The following PLEC variants were observed in gnomAD, a reference collection of about 807,000 sequenced individuals.
The protein encoded by PLEC is hemidesmosomal protein 1.
In PLEC, 216 loss-of-function variants were observed where a neutral mutation model predicts 392.8. The ratio of observed to expected loss-of-function variants is 0.55; its 90% CI spans 0.49 to 0.62. The LOEUF (loss-of-function observed/expected upper bound fraction) is 0.62. Among genes scored for constraint, PLEC ranks in the 20% least tolerant of loss-of-function variants. The pLI, the probability that PLEC is intolerant of heterozygous loss-of-function variation, is 0.00. For synonymous variants in PLEC, 3,621 were observed against 2,980.6 expected (o/e 1.21, Z -7.00); for missense variants, 6,863 against 6,563.4 (o/e 1.05, Z -1.58).
upstream of PLEC, among the ~76,000 whole-genome samples, chr8:143,974,462 T>G (rs1409198911): frequency 2.6e-5 from 4 of 152,212 alleles, no homozygotes; most frequent in African/African-American, 9.7e-5. This position sits in a 1 kb window ranked among gnomAD's most constrained non-coding sequence, Gnocchi z 5.9. Flanking sequence ...TGGAGCTGGG[T>G]GCACAGCAGT....
At position 143,918,747 on chromosome 8, in the gene PLEC, C is replaced by A. The variant is rs201892506; in HGVS notation, c.11074G>T (p.Val3692Leu). ...GAACCGGGCAGGTAGACACCAGCCA[C>A]GGAGCCCGTGCCATAGAGGTAGCAC... ...AWCYLYGTGSVAGVYLPGSRQ... is the reference protein window; with the variant it reads ...AWCYLYGTGSLAGVYLPGSRQ... The change falls in exon 32 of 32, where the codon GTG (valine) becomes TTG (leucine). Residue 3692 changes from valine to leucine, a missense_variant. By Grantham distance (32) the Val-to-Leu change is conservative. Transcript: ENST00000345136. 1.9e-6 allele frequency: 3 copies of A among 1,612,932 alleles called. No homozygotes were observed. Among genetic ancestry groups the A allele is most frequent in the Non-Finnish European group, 2.5e-6 (3 of 1,180,010 alleles).
chr8:143,976,335 A>G (rs782645095), upstream of PLEC, among the ~76,000 whole-genome samples: 3 of 151,902 alleles, frequency 2.0e-5, no homozygotes, highest in Admixed American at 6.5e-5. Context: ...CGGGGGCACA[A>G]TGTGGGCTCT....
In PLEC at chr8:143,935,014, G is replaced by A; in HGVS notation, c.822C>T (p.Ala274=). 6.2e-7 allele frequency: 1 copy of A among 1,612,460 alleles called. No homozygotes were observed. Among genetic ancestry groups the A allele is most frequent in the Non-Finnish European group, 8.5e-7 (1 of 1,179,764 alleles). ...RVPDVQDGVR[A]NELQLRWQEY... is the part of the protein sequence containing the mutation. ...GCCCTCCGGGCCCCCCACTCACGTT[G>A]GCCCTCACCCCATCCTGCACGTCCG... Residue 274 remains alanine (A), a synonymous_variant, in exon 8 of 32, where the codon GCC becomes GCT. Transcript: ENST00000345136.
intron 1 of PLEC, among the ~76,000 whole-genome samples, chr8:143,968,308 G>T (rs982902884): frequency 2.0e-5 from 3 of 151,582 alleles, no homozygotes; most frequent in Admixed American, 1.3e-4. Context: ...GGACACCACC[G>T]GCCAGGTGAG....
chr8:143,933,943 G>A (rs552575404), intron 12 of PLEC, 55 bp downstream of exon 12: 68 of 1,482,518 alleles, frequency 4.6e-5, no homozygotes, highest in Admixed American at 3.1e-4. Context: ...GCTGCAGGGC[G>A]GGGCAGGCTC....
At chr8:143,953,973 T>G, upstream of PLEC, 1 of 1,267,926 alleles carries the variant, frequency 7.9e-7, no homozygotes, top group Non-Finnish European at 1.0e-6. Flanking sequence ...CGCGCACCCC[T>G]CCCCCCCAGC....
At chr8:143,976,232 T>C (rs782369419), upstream of PLEC, among the ~76,000 whole-genome samples, 26 of 152,072 alleles carry the variant, frequency 1.7e-4, no homozygotes, top group Non-Finnish European at 4.4e-5. Context: ...GACGCACGCA[T>C]ACCCACGCGC....
exon 1 of PLEC, chr8:143,950,273 AGCTCCTTCCGACGGTAGACCCGCT>A: frequency 1.3e-6 from 2 of 1,571,014 alleles, no homozygotes; most frequent in Non-Finnish European, 1.7e-6. Context: ...CACCTCCTCA[AGCTCCTTCCGACGGTAGACCCGCT>A]GCTCCTCCGT....
Position 143,929,066 on chromosome 8 carries a change from C to T in PLEC, c.3260+37G>A, listed in dbSNP as rs1488370298. The T allele has an allele frequency of 7.1e-6, 11 of 1,542,382 alleles. No homozygotes were observed. In the African/African-American group the frequency reaches 8.2e-5, roughly 12 times the overall value. On this transcript the variant is annotated intron_variant, in intron 25 of 31. Transcript: ENST00000345136. The stretch of plus-strand genomic sequence containing the variant: ...AGCCCTCACCCCAGCACCCCCCAGC[C>T]GACCCCAGCCCCTCGCCTGTGGCCA...
Position 143,932,873 on chromosome 8 carries a change from C to T in PLEC, c.1657G>A (p.Ala553Thr). 1.2e-6 allele frequency: 2 copies of T among 1,611,506 alleles called. No homozygotes were observed. Among genetic ancestry groups the T allele is most frequent in the East Asian group, 4.5e-5 (2 of 44,784 alleles). ...AGGCCTCGGTGGCTGCCCAGCTGCGCCTCCACGCTGGGCAGGTCCACACCC... is the reference window on the plus strand; with the variant it reads ...AGGCCTCGGTGGCTGCCCAGCTGCGTCTCCACGCTGGGCAGGTCCACACCC... ...EWGVDLPSVEAQLGSHRGLHQ... is the reference protein window; with the variant it reads ...EWGVDLPSVETQLGSHRGLHQ... The change falls in exon 14 of 32, where the codon GCG (alanine) becomes ACG (threonine). Residue 553 changes from alanine (A) to threonine (T), a missense_variant. Ala to Thr is a moderately conservative substitution (Grantham distance 58). Coordinates refer to ENST00000345136, the MANE Select transcript of PLEC (RefSeq NM_201384.3).
chr8:143,942,290 C>A, upstream of PLEC: 4 of 1,431,052 alleles, frequency 2.8e-6, no homozygotes, highest in Non-Finnish European at 2.9e-6. Flanking sequence ...AAGGCGCCAC[C>A]CCCATCCCAG....
At position 143,917,281 on chromosome 8, in the gene PLEC, C is replaced by G. The variant is rs782634047; in HGVS notation, c.12540G>C (p.Glu4180Asp). 1 of 1,609,606 alleles carries G rather than the reference C, an allele frequency of 6.2e-7. No individual in the cohort carries two copies. Among genetic ancestry groups the G allele is most frequent in the African/African-American group, 1.3e-5 (1 of 75,000 alleles). The change falls in exon 32 of 32, where the codon GAG becomes GAC. Residue 4180 changes from glutamate (E) to aspartate (D), a missense_variant. Coordinates refer to ENST00000345136, the MANE Select transcript of PLEC (RefSeq NM_201384.3). ...CGCCGTCCGAGGAGGAGATGGTGAT[C>G]TCCTCCCACTCGCACTCCTGCTCGG... The part of the protein sequence containing the change: ...ELSEQECEWE[E>D]ITISSSDGVV...
Position 143,930,124 on chromosome 8 carries a change from G to A in PLEC, c.2612+20C>T. 2.5e-6 allele frequency: 4 copies of A among 1,591,184 alleles called. No homozygotes were observed. Among genetic ancestry groups the A allele is most frequent in the Non-Finnish European group, 3.4e-6 (4 of 1,174,322 alleles). ...CCCACCCGCCTTCCAGCCCCCACCT[G>A]CTGAGCCCCCGCCACCCACCTGGTG... On this transcript the variant is annotated intron_variant, in intron 21 of 31. Coordinates refer to ENST00000345136, the MANE Select transcript of PLEC (RefSeq NM_201384.3).
chr8:143,961,349 C>T (rs536945579), intron 1 of PLEC, among the ~76,000 whole-genome samples: 1 of 152,184 alleles, frequency 6.6e-6, no homozygotes, highest in Admixed American at 6.5e-5. Flanking sequence ...CCTCAGCCTC[C>T]TGCGTAGCGG....
intron 3 of PLEC, 151 bp downstream of exon 3, chr8:143,938,000 G>T: frequency 1.5e-6 from 1 of 657,056 alleles, no homozygotes; most frequent in Non-Finnish European, 2.7e-6. Flanking sequence ...TGCTGCCAGG[G>T]ACGAGGCCAG....
At chr8:143,951,566 A>C (rs1362569784), upstream of PLEC, among the ~76,000 whole-genome samples, 1 of 152,112 alleles carries the variant, frequency 6.6e-6, no homozygotes, top group African/African-American at 2.4e-5. Context: ...GGCCTCTCCA[A>C]GCCCACAGCC....
At chr8:143,942,420 GC>G, upstream of PLEC, 1 of 1,605,762 alleles carries the variant, frequency 6.2e-7, no homozygotes. Flanking sequence ...GGTAGAGGTA[GC>G]CCCTGCGGGC....
chr8:143,934,964 C>T (rs782380892), intron 8 of PLEC, 35 bp from the exon 9 acceptor site: 20 of 1,610,432 alleles, frequency 1.2e-5, no homozygotes, highest in Admixed American at 5.0e-5. Flanking sequence ...CAGGGGTCGT[C>T]GGGGCGTCCA....
At chr8:143,950,535 G>A (rs782166303) in exon 1 of PLEC, 68 of 1,607,398 alleles carry the variant, frequency 4.2e-5, no homozygotes, top group East Asian at 6.7e-5. Context: ...ACCAGGCCCC[G>A]TGCCCGCAGG....
Sources: allele counts gnomAD v4.1 joint callset (sites outside exome capture counted in the v4.1 genomes callset), GRCh38; gene constraint gnomAD v4.1.1; non-coding constraint Gnocchi (gnomAD v3.1); transcripts MANE v1.5; gene names NCBI Gene and HGNC (gene_info 2026-07-23, HGNC 2026-07-21).